Variants in FAM177A1 observed in about 807,000 individuals in gnomAD.
FAM177A1 encodes the protein protein FAM177A1.
Under a neutral mutation model 26.1 loss-of-function variants are expected in FAM177A1, and 22 were observed. The observed-to-expected ratio is 0.84, with a 90% CI of 0.60 to 1.20. The LOEUF is 1.20. FAM177A1 is among the 50% of genes most tolerant of loss of function. The probability of loss-of-function intolerance (pLI) is 0.00; values close to 1 mark genes in which losing one functional copy is unlikely to be tolerated. For synonymous variants in FAM177A1, 95 were observed against 99.3 expected, an observed-to-expected ratio of 0.96 and a Z score of 0.26; for missense variants, 296 against 291.1, an observed-to-expected ratio of 1.02 and a Z score of -0.12.
At chr14:35,047,713 C>CA (rs763685206) in intron 1 of FAM177A1, among the ~76,000 whole-genome samples, 17 of 152,076 alleles carry the variant, frequency 1.1e-4, no homozygotes, top group Non-Finnish European at 2.5e-4. Flanking sequence ...CACGCCACTG[C>CA]ACTCCAGGCT....
intron 2 of FAM177A1, among the ~76,000 whole-genome samples, chr14:35,072,452 G>A (rs2045337223): frequency 6.6e-6 from 1 of 152,194 alleles, no homozygotes; most frequent in Non-Finnish European, 1.5e-5. Flanking sequence ...GGCATGGCAG[G>A]AGGTGGAAGG....
At chr14:35,046,668 C>T (rs1422226755) in intron 1 of FAM177A1, 40 bp downstream of exon 1, 12 of 1,506,104 alleles carry the variant, frequency 8.0e-6, no homozygotes, top group Admixed American at 2.2e-5. Context: ...GGGAGCCGAG[C>T]CGCCTCCTTG....
At chr14:35,050,375 G>T (rs932952895) in intron 1 of FAM177A1, 2 of 152,018 alleles carry the variant, frequency 1.3e-5, no homozygotes, top group Non-Finnish European at 2.9e-5. Flanking sequence ...AATAAAAAAA[G>T]AAAAATATTT....
intron 2 of FAM177A1, among the ~76,000 whole-genome samples, chr14:35,062,768 C>G (rs1366251241): frequency 7.0e-6 from 1 of 142,724 alleles, no homozygotes; most frequent in African/African-American, 2.6e-5. Flanking sequence ...TACTCCAGCC[C>G]GGGCAACAAA....
intron 2 of FAM177A1, among the ~76,000 whole-genome samples, chr14:35,070,773 C>T (rs2045309122): frequency 1.3e-5 from 2 of 151,922 alleles, no homozygotes; most frequent in Admixed American, 6.6e-5. Context: ...GGAATTTAAG[C>T]AGATTAAGTA....
At chr14:35,064,338 G>A (rs1207213225) in intron 2 of FAM177A1, among the ~76,000 whole-genome samples, 5 of 152,156 alleles carry the variant, frequency 3.3e-5, no homozygotes, top group Non-Finnish European at 7.3e-5. Context: ...AGTGAGCCGA[G>A]ATCGAGCGAC....
chr14:35,069,883 C>T lies in FAM177A1; in HGVS notation c.340-7267C>T, dbSNP rs148199755. ...CTGTAATCCCAGCATTTGGGGAGGC[C>T]GAGGCGGATAGATCACGAAGTCAGG... On this transcript the variant is annotated intron_variant, in intron 2 of 4. Transcript: ENST00000280987. Among the ~76,000 whole-genome samples, 586 of 151,264 alleles carry T rather than the reference C, an allele frequency of 3.9e-3. 7 individuals carry two copies. Among genetic ancestry groups the T allele is most frequent in the East Asian group, 0.022 (108 of 4,996 alleles).
chr14:35,049,799 C>T (rs375638985), intron 1 of FAM177A1, among the ~76,000 whole-genome samples: 61 of 152,126 alleles, frequency 4.0e-4, no homozygotes, highest in African/African-American at 1.5e-3. Flanking sequence ...AAGAAAAAAA[C>T]AGATCCTGAG....
chr14:35,074,328 T>G (rs960471319), intron 2 of FAM177A1, among the ~76,000 whole-genome samples: 1 of 151,832 alleles, frequency 6.6e-6, no homozygotes, highest in African/African-American at 2.4e-5. Flanking sequence ...GTATTTTTAT[T>G]TATTTTATTT....
rs1164425374 is a variant in FAM177A1, at chr14:35,081,378, G to A, written c.*150G>A. ...AGGGAAAATGTTTTCTTCATTTTTA[G>A]GATCTATCTAGCAAAAGCCAGATCT... On this transcript the variant is annotated 3_prime_UTR_variant, in exon 5 of 5. Coordinates refer to ENST00000280987, the MANE Select transcript of FAM177A1 (RefSeq NM_173607.5). 2.5e-6 allele frequency: 2 copies of A among 808,856 alleles called. No individual in the cohort carries two copies. The highest frequency in any genetic ancestry group is 3.6e-6 in the Non-Finnish European group (2 of 553,640). The allele number at this position is 808,856 out of a possible 1,614,324, so 50.1% of individuals were successfully genotyped here. A position where few individuals can be genotyped will look rare whatever the true frequency, so the allele number is the denominator to read the frequency against.
At chr14:35,062,266 A>G (rs2045171344) in intron 2 of FAM177A1, among the ~76,000 whole-genome samples, 1 of 152,162 alleles carries the variant, frequency 6.6e-6, no homozygotes, top group African/African-American at 2.4e-5. Context: ...AAATTTCATC[A>G]GTTTTACTGG....
intron 2 of FAM177A1, among the ~76,000 whole-genome samples, chr14:35,058,896 A>C (rs756861575): frequency 6.6e-6 from 1 of 152,036 alleles, no homozygotes; most frequent in Non-Finnish European, 1.5e-5. Flanking sequence ...GGAAAAAAAA[A>C]GTCTGTTTTG....
chr14:35,046,102 T>G (rs2044854644), upstream of FAM177A1: 1 of 178,094 alleles, frequency 5.6e-6, no homozygotes, highest in Non-Finnish European at 1.2e-5. Flanking sequence ...GGTGACGGGC[T>G]GCGCCGAGGT....
rs900092494 is a variant in FAM177A1 at position 35,077,621 on chromosome 14, C to T, written c.406+405C>T. On this transcript the variant is annotated intron_variant, in intron 3 of 4. Transcript: ENST00000280987. ...CCTCAGCCTCCCGAGCAGCTGGGAC[C>T]ACAGGCGCCCGCCACCGCGCCCGGC... is the stretch of plus-strand genomic sequence containing the variant. Among the ~76,000 whole-genome samples, 3 of 151,682 alleles carry T rather than the reference C, an allele frequency of 2.0e-5. No individual in the cohort carries two copies. In the East Asian group the frequency reaches 5.8e-4, roughly 29 times the overall value.
chr14:35,069,301 T>TTTC (rs2045283368), intron 2 of FAM177A1, among the ~76,000 whole-genome samples: 1 of 151,808 alleles, frequency 6.6e-6, no homozygotes, highest in African/African-American at 2.4e-5. Context: ...TTTTTTTTTT[T>TTTC]TGAGACAGAG....
chr14:35,051,882 G>A (rs34380272), intron 1 of FAM177A1, among the ~76,000 whole-genome samples: 3,965 of 152,302 alleles, frequency 0.026, 70 homozygotes, highest in East Asian at 0.034. Context: ...TAACTGGGCA[G>A]TTCACTGTTT....
rs1003799232 is a variant in FAM177A1, at chr14:35,046,305, C to T, written c.-159C>T. 2.7e-4 allele frequency: 228 copies of T among 834,070 alleles called. No homozygotes were observed. The highest frequency in any genetic ancestry group is 3.2e-4 in the Non-Finnish European group (189 of 588,622). The allele number at this position is 834,070 out of a possible 1,614,324, so 51.7% of individuals were successfully genotyped here. On this transcript the variant is annotated 5_prime_UTR_variant, in exon 1 of 5. Coordinates refer to ENST00000280987, the MANE Select transcript of FAM177A1 (RefSeq NM_173607.5). ...GTTGGCCAGCTCTCGGGGTGCGGAG[C>T]CCGGCGGGCTAGGCGAGGCGCGGGC...
chr14:35,069,474 G>A (rs376419653), intron 2 of FAM177A1, among the ~76,000 whole-genome samples: 5 of 151,828 alleles, frequency 3.3e-5, no homozygotes, highest in African/African-American at 9.7e-5. Flanking sequence ...TAGTAGAGAC[G>A]GGGTTTTGCC....
intron 2 of FAM177A1, 32 bp downstream of exon 2, chr14:35,053,483 T>C (rs757295803): frequency 6.2e-7 from 1 of 1,605,538 alleles, no homozygotes; most frequent in South Asian, 1.1e-5. Context: ...CTTTCCTCAG[T>C]GGGCTTTGTT....
Sources: allele counts gnomAD v4.1 joint callset (sites outside exome capture counted in the v4.1 genomes callset), GRCh38; gene constraint gnomAD v4.1.1; transcripts MANE v1.5; gene names NCBI Gene and HGNC (gene_info 2026-07-23, HGNC 2026-07-21).